DACH1: variants seen among roughly 807,000 people sequenced by gnomAD.
DACH1 encodes dachshund homolog 1.
DACH1 carries 12 observed loss-of-function variants against 54.2 expected under a neutral mutation model. That is an observed-to-expected ratio of 0.22 (90% CI 0.14 to 0.36). The LOEUF (loss-of-function observed/expected upper bound fraction) is 0.36, where lower values mean the gene tolerates loss of function less well. Among genes scored for constraint, DACH1 ranks in the 10% least tolerant of loss-of-function variants. The pLI, the probability that DACH1 is intolerant of heterozygous loss-of-function variation, is 1.00. For missense variants in DACH1, 805 were observed against 929.8 expected (o/e 0.87, Z 1.75); for synonymous variants, 386 against 366.2 (o/e 1.05, Z -0.62).
At chr13:71,780,160 C>T (rs1886313047) in intron 1 of DACH1, among the ~76,000 whole-genome samples, 1 of 152,130 alleles carries the variant, frequency 6.6e-6, no homozygotes, top group Non-Finnish European at 1.5e-5. Context: ...ATAGGAATTA[C>T]ATCAGCAAGG....
chr13:71,505,899 G>C (rs1880276274), intron 6 of DACH1, among the ~76,000 whole-genome samples: 1 of 151,874 alleles, frequency 6.6e-6, no homozygotes, highest in Admixed American at 6.6e-5. Context: ...ACTTAATATT[G>C]ACTAAAAATT....
intron 6 of DACH1, among the ~76,000 whole-genome samples, chr13:71,509,516 G>C (rs1880595471): frequency 6.6e-6 from 1 of 152,094 alleles, no homozygotes; most frequent in South Asian, 2.1e-4. Flanking sequence ...TAATGAAGGA[G>C]TCAAAGAGGT....
intron 6 of DACH1, among the ~76,000 whole-genome samples, chr13:71,550,637 C>T (rs1378029765): frequency 6.6e-6 from 1 of 152,066 alleles, no homozygotes; most frequent in Non-Finnish European, 1.5e-5. Context: ...ATTACAAGCT[C>T]TGCTCCTAGA....
At chr13:71,697,315 A>T (rs1881883836) in intron 1 of DACH1, among the ~76,000 whole-genome samples, 1 of 152,228 alleles carries the variant, frequency 6.6e-6, no homozygotes, top group Non-Finnish European at 1.5e-5. Context: ...ATCTGAATCA[A>T]CATTGTCTTA....
Position 71,523,406 on chromosome 13 carries a change from A to G in DACH1, c.1570+33618T>C, listed in dbSNP as rs1199982667. On this transcript the variant is annotated intron_variant, in intron 6 of 10. Transcript: ENST00000613252. Reference sequence around the variant, plus strand: ...AGCTGCTAAAAGGGGCAGTCAACAAAAATGACTTAAAGGACAAATTTTGGC... The same window carrying G: ...AGCTGCTAAAAGGGGCAGTCAACAAGAATGACTTAAAGGACAAATTTTGGC... 2.0e-5 allele frequency among the ~76,000 whole-genome samples: 3 copies of G among 152,304 alleles called. No homozygotes were observed. In the East Asian group the frequency reaches 5.8e-4, roughly 29 times the overall value.
intron 10 of DACH1, among the ~76,000 whole-genome samples, chr13:71,449,234 G>A (rs1421660811): frequency 6.6e-6 from 1 of 152,102 alleles, no homozygotes; most frequent in Admixed American, 6.6e-5. Flanking sequence ...GCTGAGGCAG[G>A]AGAATTGCTT....
intron 4 of DACH1, among the ~76,000 whole-genome samples, chr13:71,562,258 T>C (rs1202339029): frequency 1.3e-5 from 2 of 152,100 alleles, no homozygotes; most frequent in Non-Finnish European, 2.9e-5. Flanking sequence ...TTTATGCAAA[T>C]AGCAAAACTG....
chr13:71,669,029 A>G (rs760873812), intron 2 of DACH1, among the ~76,000 whole-genome samples: 2 of 152,234 alleles, frequency 1.3e-5, no homozygotes, highest in African/African-American at 2.4e-5. Flanking sequence ...ACATTCAAAT[A>G]GAGAGATAAA....
intron 1 of DACH1, among the ~76,000 whole-genome samples, chr13:71,820,917 A>G (rs951384646): frequency 6.6e-6 from 1 of 152,168 alleles, no homozygotes; most frequent in African/African-American, 2.4e-5. Context: ...CACACCCTCA[A>G]TCATATCTCA....
intron 10 of DACH1, among the ~76,000 whole-genome samples, chr13:71,445,130 G>A (rs979659841): frequency 6.6e-6 from 1 of 152,106 alleles, no homozygotes; most frequent in African/African-American, 2.4e-5. Context: ...AGAATGAGAA[G>A]CCTTCAGCAT....
At chr13:71,532,685 T>C (rs1226970549) in intron 6 of DACH1, among the ~76,000 whole-genome samples, 1 of 151,938 alleles carries the variant, frequency 6.6e-6, no homozygotes, top group Non-Finnish European at 1.5e-5. Flanking sequence ...CCCTTCCCCT[T>C]TAGGGAAATA....
At chr13:71,822,575 G>A (rs372018678) in intron 1 of DACH1, among the ~76,000 whole-genome samples, 48 of 152,186 alleles carry the variant, frequency 3.2e-4, no homozygotes, top group Non-Finnish European at 1.0e-4. Context: ...CTCGATTAGC[G>A]TTAATTTTCC....
intron 6 of DACH1, among the ~76,000 whole-genome samples, chr13:71,509,109 C>A (rs1280812809): frequency 1.3e-5 from 2 of 152,120 alleles, no homozygotes; most frequent in Non-Finnish European, 2.9e-5. Context: ...TTTGACTGAT[C>A]TTTCTACTAC....
In DACH1 at chr13:71,807,608, A is replaced by G. The variant is rs1255296767; in HGVS notation, c.848+58314T>C. On this transcript the variant is annotated intron_variant, in intron 1 of 10. Transcript: ENST00000613252. ...ACAAATTAAGTTTTTATTTTAAGCT[A>G]TTATGCCTTTGCTGAGACATATTTC... is the stretch of plus-strand genomic sequence containing the variant. 3.9e-5 allele frequency among the ~76,000 whole-genome samples: 6 copies of G among 152,132 alleles called. No individual in the cohort carries two copies. The East Asian group carries it at 9.6e-4, about 24-fold the overall frequency.
chr13:71,511,576 A>G (rs1412336165), intron 6 of DACH1, among the ~76,000 whole-genome samples: 3 of 151,984 alleles, frequency 2.0e-5, no homozygotes, highest in Non-Finnish European at 4.4e-5. Context: ...GGAAATATAA[A>G]CAAAACAAAA....
intron 1 of DACH1, among the ~76,000 whole-genome samples, chr13:71,750,604 T>G (rs1252927832): frequency 6.6e-6 from 1 of 152,242 alleles, no homozygotes; most frequent in African/African-American, 2.4e-5. Context: ...AATGCTGAAC[T>G]AGGAAATGAA....
chr13:71,837,327 T>C (rs1888832090), intron 1 of DACH1, among the ~76,000 whole-genome samples: 1 of 152,152 alleles, frequency 6.6e-6, no homozygotes, highest in South Asian at 2.1e-4. Flanking sequence ...ACTTCAATGG[T>C]AGATAAAAGT....
intron 2 of DACH1, among the ~76,000 whole-genome samples, chr13:71,655,127 C>A (rs543277399): frequency 1.3e-5 from 2 of 152,298 alleles, no homozygotes; most frequent in Admixed American, 6.5e-5. Flanking sequence ...CTGCAAGAAA[C>A]CTTCCCTGAT....
chr13:71,716,543 C>T (rs1453153319), intron 1 of DACH1, among the ~76,000 whole-genome samples: 1 of 151,962 alleles, frequency 6.6e-6, no homozygotes, highest in Non-Finnish European at 1.5e-5. Context: ...TGTGAGAAGC[C>T]CTACACCAAT....
Sources: gnomAD v4.1 joint callset for allele counts (sites outside exome capture counted in the v4.1 genomes callset) on GRCh38, gnomAD v4.1.1 for gene constraint, MANE v1.5 for transcripts, NCBI Gene and HGNC (gene_info 2026-07-23, HGNC 2026-07-21) for gene names.